The following NFE2L2 variants were observed in gnomAD, a reference collection of about 807,000 sequenced individuals.
NFE2L2 encodes the protein nuclear factor erythroid 2-related factor 2.
In NFE2L2, 20 loss-of-function variants were observed where a neutral mutation model predicts 49.6. That is an observed-to-expected ratio of 0.40 (90% CI 0.28 to 0.59). The LOEUF (loss-of-function observed/expected upper bound fraction) is 0.59. Ranked by LOEUF, NFE2L2 falls within the 20% of genes least tolerant of loss-of-function variation. NFE2L2 has a pLI of 0.40. For missense variants in NFE2L2, 578 were observed against 714.2 expected, an observed-to-expected ratio of 0.81 and a Z score of 2.17; for synonymous variants, 244 against 256.5, an observed-to-expected ratio of 0.95 and a Z score of 0.47.
At chr2:177,261,374 TC>T (rs778764934) in intron 1 of NFE2L2, among the ~76,000 whole-genome samples, 1 of 152,186 alleles carries the variant, frequency 6.6e-6, no homozygotes, top group Non-Finnish European at 1.5e-5. Context: ...CAGACATTAA[TC>T]TTTTATATTC....
Position 177,232,015 on chromosome 2 carries a change from G to T in NFE2L2, c.595-7C>A. On this transcript the variant is annotated splice_region_variant and splice_polypyrimidine_tract_variant and intron_variant, in intron 4 of 4. Coordinates refer to ENST00000397062, the MANE Select transcript of NFE2L2 (RefSeq NM_006164.5). ...CATTTTCAATATTAAGACACTGCAT[G>T]AGAAGGAAGTTTATACTATATAAAT... is the stretch of plus-strand genomic sequence containing the variant. The T allele has an allele frequency of 6.3e-7, 1 of 1,583,616 alleles. No homozygotes were observed. Among genetic ancestry groups the T allele is most frequent in the South Asian group, 1.2e-5 (1 of 85,772 alleles).
chr2:177,233,015 A>G (rs1689611558), intron 3 of NFE2L2: 6 of 516,134 alleles, frequency 1.2e-5, no homozygotes, highest in Non-Finnish European at 2.0e-5. Flanking sequence ...TGGCTATGCA[A>G]TAGTCAATGG....
In NFE2L2 at chr2:177,264,563, T is replaced by C; in HGVS notation, c.14A>G (p.Glu5Gly). 6.6e-7 allele frequency: 1 copy of C among 1,517,452 alleles called. No individual in the cohort carries two copies. The highest frequency in any genetic ancestry group is 8.8e-7 in the Non-Finnish European group (1 of 1,131,732). The allele number at this position is 1,517,452 out of a possible 1,614,324, so 94.0% of individuals were successfully genotyped here. A position where few individuals can be genotyped will look rare whatever the true frequency, so the allele number is the denominator to read the frequency against. MMDLELPPPGLPSQQ... is the reference protein window; with the variant it reads MMDLGLPPPGLPSQQ... ...GGACGGGAGTCCCGGCGGCGGCAGC[T>C]CCAAGTCCATCATGATGAGCTGTGG... Residue 5 changes from glutamate (E) to glycine (G), a missense_variant, in exon 1 of 5, where the codon GAG becomes GGG. Transcript: ENST00000397062.
intron 3 of NFE2L2, 185 bp from the exon 4 acceptor site, chr2:177,232,768 T>G: frequency 1.7e-6 from 1 of 595,272 alleles, no homozygotes; most frequent in Non-Finnish European, 2.9e-6. Flanking sequence ...AAATTTATAA[T>G]TTGCTGGTCT....
chr2:177,231,534 GT>G lies in NFE2L2; in HGVS notation c.1068del (p.Pro357GlnfsTer25). ...ISLNTSPSVA[S>X]PEHSVESSSY... ...CTGGAAGATTCCACTGAGTGTTCTG[GT>G]GATGCCACACTGGGACTTGTGTTTA... On this transcript the variant is annotated frameshift_variant, in exon 5 of 5. Transcript: ENST00000397062. LOFTEE classifies it high-confidence loss of function. The G allele has an allele frequency of 6.2e-7, 1 of 1,614,086 alleles. No individual in the cohort carries two copies. The highest frequency in any genetic ancestry group is 8.5e-7 in the Non-Finnish European group (1 of 1,180,042).
intron 1 of NFE2L2, among the ~76,000 whole-genome samples, chr2:177,253,412 T>G (rs1365911252): frequency 6.6e-6 from 1 of 152,098 alleles, no homozygotes; most frequent in Non-Finnish European, 1.5e-5. Flanking sequence ...TTAGAGGAAC[T>G]CATATCCTAA....
At chr2:177,263,038 A>G (rs1690796123) in intron 1 of NFE2L2, among the ~76,000 whole-genome samples, 1 of 152,242 alleles carries the variant, frequency 6.6e-6, no homozygotes, top group African/African-American at 2.4e-5. Context: ...CTTTACATTT[A>G]ACAGCATAAA....
chr2:177,233,413 T>C, intron 2 of NFE2L2, 74 bp from the exon 3 acceptor site: 1 of 1,058,454 alleles, frequency 9.4e-7, no homozygotes, highest in East Asian at 2.6e-5. Context: ...TATTCAATAA[T>C]TGATGTTCAT....
intron 1 of NFE2L2, among the ~76,000 whole-genome samples, chr2:177,251,102 A>G (rs1436835411): frequency 6.6e-6 from 1 of 152,234 alleles, no homozygotes; most frequent in Non-Finnish European, 1.5e-5. Context: ...TTGTTTATGT[A>G]TCAGCTGTGC....
intron 1 of NFE2L2, among the ~76,000 whole-genome samples, chr2:177,264,055 C>A (rs1056343989): frequency 4.6e-5 from 7 of 152,142 alleles, no homozygotes; most frequent in Admixed American, 2.6e-4. Context: ...GACCTCAGTT[C>A]CCCCGAGAGC....
intron 1 of NFE2L2, among the ~76,000 whole-genome samples, chr2:177,241,255 T>A (rs955030235): frequency 1.3e-5 from 2 of 152,254 alleles, no homozygotes; most frequent in African/African-American, 4.8e-5. Context: ...AAAAATCTTA[T>A]TTTAATGTTA....
Position 177,240,032 on chromosome 2 carries a change from A to G in NFE2L2, c.46-5761T>C, listed in dbSNP as rs3731799. On this transcript the variant is annotated intron_variant, in intron 1 of 4. Coordinates refer to ENST00000397062, the MANE Select transcript of NFE2L2 (RefSeq NM_006164.5). ...AAGCTCACTACTGTATTTTGTGCTA[A>G]GCTAATATGCACCAACCATTTCCTG... Among the ~76,000 whole-genome samples the G allele has an allele frequency of 4.3e-4, 65 of 152,104 alleles. No homozygotes were observed. The East Asian group carries it at 0.013, about 29-fold the overall frequency.
At chr2:177,257,072 G>A (rs1198115878) in intron 1 of NFE2L2, among the ~76,000 whole-genome samples, 1 of 152,274 alleles carries the variant, frequency 6.6e-6, no homozygotes, top group African/African-American at 2.4e-5. Context: ...ATAAGTGGGA[G>A]CCACTACAAA....
At chr2:177,255,499 C>T (rs1008050640) in intron 1 of NFE2L2, among the ~76,000 whole-genome samples, 7 of 152,268 alleles carry the variant, frequency 4.6e-5, no homozygotes, top group Middle Eastern at 3.4e-3. Flanking sequence ...TGTGGGTTGG[C>T]GAGTGGGGGC....
intron 1 of NFE2L2, among the ~76,000 whole-genome samples, chr2:177,239,743 C>T (rs1689879665): frequency 1.3e-5 from 2 of 152,060 alleles, no homozygotes; most frequent in Admixed American, 6.5e-5. Context: ...AACAAAACTG[C>T]TTCATAAAAG....
intron 1 of NFE2L2, among the ~76,000 whole-genome samples, chr2:177,236,139 T>TA (rs1689742096): frequency 1.3e-5 from 2 of 152,246 alleles, no homozygotes; most frequent in South Asian, 2.1e-4. Context: ...ACGCCAGACT[T>TA]AGAGTTCTAT....
chr2:177,251,375 T>A (rs901637181), intron 1 of NFE2L2, among the ~76,000 whole-genome samples: 2 of 152,212 alleles, frequency 1.3e-5, no homozygotes, highest in African/African-American at 4.8e-5. Flanking sequence ...ACCTTGCCTA[T>A]GGACACTGGG....
Position 177,231,152 on chromosome 2 carries a change from A to G in NFE2L2, c.1451T>C (p.Met484Thr). The G allele has an allele frequency of 6.2e-7, 1 of 1,614,158 alleles. No individual in the cohort carries two copies. Among genetic ancestry groups the G allele is most frequent in the Non-Finnish European group, 8.5e-7 (1 of 1,180,024 alleles). Residue 484 changes from methionine to threonine, a missense_variant, in exon 5 of 5, where the codon ATG becomes ACG. Met to Thr is a moderately conservative substitution (Grantham distance 81). Coordinates refer to ENST00000397062, the MANE Select transcript of NFE2L2 (RefSeq NM_006164.5). ...INLPVVDFNE[M>T]MSKEQFNEAQ... ...TTCATTGAACTGCTCTTTGGACATC[A>G]TTTCGTTGAAGTCAACAACAGGGAG...
chr2:177,263,925 G>A (rs1690839984), intron 1 of NFE2L2: 1 of 985,578 alleles, frequency 1.0e-6, no homozygotes, highest in South Asian at 4.7e-5. Flanking sequence ...AGTGATCCGA[G>A]AGATGGATGA....
Sources: gnomAD v4.1 joint callset for allele counts (sites outside exome capture counted in the v4.1 genomes callset) on GRCh38, gnomAD v4.1.1 for gene constraint, MANE v1.5 for transcripts, NCBI Gene and HGNC (gene_info 2026-07-23, HGNC 2026-07-21) for gene names.